Variants in FCHSD2 observed in about 807,000 individuals in gnomAD.
FCHSD2 encodes F-BAR and double SH3 domains protein 2.
Under a neutral mutation model 108.1 loss-of-function variants are expected in FCHSD2, and 38 were observed. The ratio of observed to expected loss-of-function variants is 0.35; its 90% confidence interval spans 0.27 to 0.46. The LOEUF is 0.46. Ranked by LOEUF, FCHSD2 falls within the 20% of genes least tolerant of loss-of-function variation. The pLI, the probability that FCHSD2 is intolerant of heterozygous loss-of-function variation, is 1.00. For missense variants in FCHSD2, 751 were observed against 897.8 expected, an observed-to-expected ratio of 0.84 and a Z score of 2.09; for synonymous variants, 279 against 314.7, an observed-to-expected ratio of 0.89 and a Z score of 1.20.
chr11:73,059,721 T>C (rs1479298266), intron 3 of FCHSD2, among the ~76,000 whole-genome samples: 1 of 136,902 alleles, frequency 7.3e-6, no homozygotes, highest in Non-Finnish European at 1.7e-5. Flanking sequence ...GTTTTCTTTC[T>C]TTTTTTTTCT....
intron 9 of FCHSD2, among the ~76,000 whole-genome samples, chr11:72,905,396 C>G (rs1376325308): frequency 6.6e-6 from 1 of 152,158 alleles, no homozygotes; most frequent in Non-Finnish European, 1.5e-5. Context: ...TCCACCACCT[C>G]AAGCATTTAT....
intron 14 of FCHSD2, among the ~76,000 whole-genome samples, chr11:72,845,768 A>G (rs1861115082): frequency 6.6e-6 from 1 of 152,076 alleles, no homozygotes; most frequent in South Asian, 2.1e-4. Flanking sequence ...CCTCTTTCCT[A>G]TCTGATGAGC....
intron 8 of FCHSD2, among the ~76,000 whole-genome samples, chr11:72,960,483 T>C (rs1483891890): frequency 2.0e-5 from 3 of 152,216 alleles, no homozygotes; most frequent in African/African-American, 7.2e-5. Flanking sequence ...GTGGAGTCCA[T>C]GTGCTGTCAT....
intron 8 of FCHSD2, among the ~76,000 whole-genome samples, chr11:72,922,338 C>T (rs1211872198): frequency 6.6e-6 from 1 of 151,920 alleles, no homozygotes; most frequent in African/African-American, 2.4e-5. Context: ...TCCGTTTTCC[C>T]CCAATCCATT....
chr11:72,949,987 C>T (rs2135355267), intron 8 of FCHSD2, among the ~76,000 whole-genome samples: 1 of 152,164 alleles, frequency 6.6e-6, no homozygotes, highest in African/African-American at 2.4e-5. Flanking sequence ...TCCACAATGG[C>T]TGTTCCATTT....
chr11:73,030,020 T>TAACAAC (rs558759741), intron 3 of FCHSD2, among the ~76,000 whole-genome samples: 19 of 152,042 alleles, frequency 1.2e-4, no homozygotes, highest in East Asian at 1.9e-4. Context: ...GGCCAGTTTT[T>TAACAAC]AACAACAACA....
chr11:73,126,339 TAAAAAAAAAAAAAAAA>T (rs61586562), intron 2 of FCHSD2, among the ~76,000 whole-genome samples: 23 of 27,660 alleles, frequency 8.3e-4, no homozygotes, highest in Admixed American at 2.1e-3. Context: ...GATTCCATCT[TAAAAAAAAAAAAAAAA>T]AAAAAAAAAA....
intron 10 of FCHSD2, among the ~76,000 whole-genome samples, chr11:72,891,895 T>G (rs1855321605): frequency 6.6e-6 from 1 of 152,204 alleles, no homozygotes; most frequent in Admixed American, 6.5e-5. Flanking sequence ...CATCCAGTAA[T>G]GGTAACTGTT....
At chr11:73,047,015 A>AT (rs1858784639) in intron 3 of FCHSD2, among the ~76,000 whole-genome samples, 1 of 152,216 alleles carries the variant, frequency 6.6e-6, no homozygotes, top group Non-Finnish European at 1.5e-5. Context: ...CTTTGGGAAA[A>AT]TATCAATGAT....
chr11:72,978,967 G>A (rs538457053), intron 8 of FCHSD2, among the ~76,000 whole-genome samples: 13 of 147,200 alleles, frequency 8.8e-5, no homozygotes, highest in South Asian at 8.5e-4. Context: ...AGCGATTCTC[G>A]TGCCTCAGCC....
intron 2 of FCHSD2, among the ~76,000 whole-genome samples, chr11:73,096,021 A>G (rs1860065229): frequency 6.6e-6 from 1 of 152,142 alleles, no homozygotes. Context: ...CTATAGAAAA[A>G]AACAAAAAAC....
intron 9 of FCHSD2, among the ~76,000 whole-genome samples, chr11:72,911,179 T>C (rs1368166901): frequency 2.6e-5 from 4 of 152,210 alleles, no homozygotes; most frequent in Non-Finnish European, 4.4e-5. Flanking sequence ...TGGCAAGAGA[T>C]AGGGGTCTTA....
chr11:73,132,147 A>G (rs551465891), intron 2 of FCHSD2, among the ~76,000 whole-genome samples: 19 of 152,374 alleles, frequency 1.2e-4, no homozygotes, highest in African/African-American at 4.1e-4. Context: ...TAAAAGAGCC[A>G]TAAGATGCAT....
chr11:72,879,696 A>C (rs924121118), intron 12 of FCHSD2, among the ~76,000 whole-genome samples: 1 of 152,234 alleles, frequency 6.6e-6, no homozygotes, highest in African/African-American at 2.4e-5. Flanking sequence ...GACACTAATA[A>C]TAACTCATCA....
intron 3 of FCHSD2, among the ~76,000 whole-genome samples, chr11:73,054,918 G>C (rs1230934243): frequency 6.6e-6 from 1 of 152,162 alleles, no homozygotes; most frequent in Non-Finnish European, 1.5e-5. Context: ...CCAGTGGGCT[G>C]TTGTATTAGT....
At chr11:72,959,268 T>G (rs1856777213) in intron 8 of FCHSD2, among the ~76,000 whole-genome samples, 1 of 140,134 alleles carries the variant, frequency 7.1e-6, no homozygotes, top group Non-Finnish European at 1.5e-5. Context: ...CTCGCTCTGT[T>G]GCCCAGGCTG....
intron 2 of FCHSD2, among the ~76,000 whole-genome samples, chr11:73,087,630 G>A (rs892152250): frequency 4.0e-5 from 6 of 151,036 alleles, no homozygotes; most frequent in South Asian, 2.1e-4. Flanking sequence ...GCTTGAACCC[G>A]GGAGGCAGAG....
chr11:72,965,423 T>C (rs902800346), intron 8 of FCHSD2, among the ~76,000 whole-genome samples: 1 of 152,250 alleles, frequency 6.6e-6, no homozygotes, highest in Non-Finnish European at 1.5e-5. Flanking sequence ...TGCCTTACAT[T>C]CTACCAGGTG....
At position 72,887,684 on chromosome 11, in the gene FCHSD2, T is replaced by C; in HGVS notation, c.1042-110A>G. ...GGGCTTTAGTGACTAGTAGCCATAA[T>C]TTTTTTTCATTTATTTATTTTTTGA... On this transcript the variant is annotated intron_variant, in intron 11 of 19. Transcript: ENST00000409418. 4 of 608,688 alleles carry C rather than the reference T, an allele frequency of 6.6e-6. No homozygotes were observed. In the South Asian group the frequency reaches 7.7e-5, roughly 12 times the overall value. 37.7% of individuals were successfully genotyped at this position (608,688 alleles called of 1,614,324 possible).
Sources: allele counts gnomAD v4.1 joint callset (sites outside exome capture counted in the v4.1 genomes callset), GRCh38; gene constraint gnomAD v4.1.1; transcripts MANE v1.5; gene names NCBI Gene and HGNC (gene_info 2026-07-23, HGNC 2026-07-21).